SHROOM3: variants seen among roughly 807,000 people sequenced by gnomAD.
The protein encoded by SHROOM3 is protein Shroom3.
A neutral mutation model predicts 138.6 loss-of-function variants in SHROOM3; 47 were observed. That is an observed-to-expected ratio of 0.34 (90% CI 0.27 to 0.43). SHROOM3 has a LOEUF of 0.43. Among genes scored for constraint, SHROOM3 ranks in the 20% least tolerant of loss-of-function variants. The pLI, the probability that SHROOM3 is intolerant of heterozygous loss-of-function variation, is 1.00. For synonymous variants in SHROOM3, 1,062 were observed against 1,063.3 expected, an observed-to-expected ratio of 1.00 and a Z score of 0.02; for missense variants, 2,491 against 2,596.5, an observed-to-expected ratio of 0.96 and a Z score of 0.88.
At chr4:76,771,953 A>C (rs1332675337) in intron 10 of SHROOM3, among the ~76,000 whole-genome samples, 1 of 152,176 alleles carries the variant, frequency 6.6e-6, no homozygotes, top group Non-Finnish European at 1.5e-5. Flanking sequence ...CCCTCCTGAT[A>C]CTGAACAACA....
chr4:76,503,168 C>CACACACACACACAT (rs1491425913), intron 1 of SHROOM3, among the ~76,000 whole-genome samples: 3 of 10,704 alleles, frequency 2.8e-4, no homozygotes, highest in African/African-American at 1.0e-3. Context: ...TGTCAACTTC[C>CACACACACACACAT]ACACACACAC....
chr4:76,750,142 G>A (rs1193654088), intron 6 of SHROOM3, among the ~76,000 whole-genome samples: 2 of 152,178 alleles, frequency 1.3e-5, no homozygotes, highest in Non-Finnish European at 2.9e-5. Flanking sequence ...TCCTATAGCT[G>A]TGTTGACAAG....
At chr4:76,687,647 C>T (rs1317149947) in intron 2 of SHROOM3, among the ~76,000 whole-genome samples, 2 of 152,194 alleles carry the variant, frequency 1.3e-5, no homozygotes, top group African/African-American at 2.4e-5. Context: ...CTAAAAATAT[C>T]GGATGATGCC....
chr4:76,436,202 A>G lies in SHROOM3; in HGVS notation c.150A>G (p.Glu50=), dbSNP rs750334698. 8 of 1,614,004 alleles carry G rather than the reference A, an allele frequency of 5.0e-6. No homozygotes were observed. Among genetic ancestry groups the G allele is most frequent in the East Asian group, 2.2e-5 (1 of 44,878 alleles). Residue 50 remains glutamate (E), a synonymous_variant, in exon 1 of 11, where the codon GAA becomes GAG. Coordinates refer to ENST00000296043, the MANE Select transcript of SHROOM3 (RefSeq NM_020859.4). ...FTLKGGLEHG[E]PLIISKVEEG... Reference sequence around the variant, plus strand: ...TAAAGGGTGGCCTGGAGCACGGAGAACCATTAATCATCTCTAAGGTATGTT... The same window carrying G: ...TAAAGGGTGGCCTGGAGCACGGAGAGCCATTAATCATCTCTAAGGTATGTT...
At chr4:76,471,446 G>T (rs1731370695) in intron 1 of SHROOM3, among the ~76,000 whole-genome samples, 1 of 152,094 alleles carries the variant, frequency 6.6e-6, no homozygotes, top group South Asian at 2.1e-4. Flanking sequence ...TTTTCACCAT[G>T]TTAGCCAGGA....
intron 1 of SHROOM3, among the ~76,000 whole-genome samples, chr4:76,545,999 C>T (rs551897494): frequency 3.0e-4 from 46 of 152,222 alleles, no homozygotes; most frequent in Non-Finnish European, 6.2e-4. Context: ...TAGAAAATAA[C>T]AAAAGAAAGT....
chr4:76,539,878 C>T (rs552622294), intron 1 of SHROOM3, among the ~76,000 whole-genome samples: 18 of 152,208 alleles, frequency 1.2e-4, no homozygotes, highest in African/African-American at 2.2e-4. Flanking sequence ...GATGGAGTTT[C>T]GCTCTTTCAC....
At chr4:76,613,099 A>T (rs998177339) in intron 2 of SHROOM3, among the ~76,000 whole-genome samples, 3 of 152,180 alleles carry the variant, frequency 2.0e-5, no homozygotes, top group Non-Finnish European at 2.9e-5. Flanking sequence ...CAGAAGGGAG[A>T]ATTCCCAGCA....
intron 1 of SHROOM3, among the ~76,000 whole-genome samples, chr4:76,483,426 G>C (rs901452067): frequency 1.3e-5 from 2 of 152,194 alleles, no homozygotes; most frequent in Non-Finnish European, 2.9e-5. Context: ...TTAGAGAAAT[G>C]CAAATCAAAA....
At chr4:76,620,250 A>G (rs1734974432) in intron 2 of SHROOM3, among the ~76,000 whole-genome samples, 1 of 151,950 alleles carries the variant, frequency 6.6e-6, no homozygotes, top group African/African-American at 2.4e-5. Context: ...AAAGGTGATG[A>G]TTTTGGTCTT....
intron 1 of SHROOM3, among the ~76,000 whole-genome samples, chr4:76,446,374 T>G (rs1196665236): frequency 1.3e-5 from 2 of 149,276 alleles, no homozygotes; most frequent in Admixed American, 1.3e-4. Flanking sequence ...CAACAGTCAG[T>G]CAACTTGGTG....
intron 2 of SHROOM3, among the ~76,000 whole-genome samples, chr4:76,595,136 T>C (rs1734352842): frequency 6.6e-6 from 1 of 152,222 alleles, no homozygotes; most frequent in Admixed American, 6.5e-5. Context: ...TACCTTGTTG[T>C]GTTGTTGTGT....
chr4:76,515,213 TAAAAAAA>T (rs67216189), intron 1 of SHROOM3, among the ~76,000 whole-genome samples: 4 of 113,048 alleles, frequency 3.5e-5, no homozygotes, highest in Admixed American at 9.3e-5. Context: ...AAACTCTGTC[TAAAAAAA>T]AAAAAAAAAA....
At chr4:76,503,569 C>T (rs1364230935) in intron 1 of SHROOM3, among the ~76,000 whole-genome samples, 2 of 152,108 alleles carry the variant, frequency 1.3e-5, no homozygotes, top group Non-Finnish European at 2.9e-5. Context: ...GCTGGGATTA[C>T]AGACGTGGAC....
chr4:76,670,930 A>G (rs1718862152), intron 2 of SHROOM3, among the ~76,000 whole-genome samples: 1 of 152,126 alleles, frequency 6.6e-6, no homozygotes. Flanking sequence ...CTGGGTGCAG[A>G]GTAAGACCCT....
chr4:76,619,543 C>T (rs1170861999), intron 2 of SHROOM3, among the ~76,000 whole-genome samples: 1 of 152,088 alleles, frequency 6.6e-6, no homozygotes, highest in Non-Finnish European at 1.5e-5. Context: ...CAATTATTTT[C>T]ATAGAAGTGT....
chr4:76,770,324 C>CAAAAAAAAAAAAAA (rs529468839), intron 9 of SHROOM3, among the ~76,000 whole-genome samples: 1 of 36,088 alleles, frequency 2.8e-5, no homozygotes, highest in African/African-American at 8.8e-5. Flanking sequence ...AACTCTGTCT[C>CAAAAAAAAAAAAAA]AAAAAAAAAA....
Position 76,741,896 on chromosome 4 carries a change from G to C in SHROOM3, c.3723G>C (p.Arg1241Ser). The change falls in exon 5 of 11, where the codon AGG becomes AGC. Residue 1241 changes from arginine (R) to serine (S), a missense_variant. By Grantham distance (110) the Arg-to-Ser change is moderately radical. This residue lies in a region of SHROOM3 where 1,733 missense variants were observed against 1,661.6 expected (regional missense o/e 1.04). Coordinates refer to ENST00000296043, the MANE Select transcript of SHROOM3 (RefSeq NM_020859.4). This position sits in a 1 kb window ranked among gnomAD's most constrained non-coding sequence, Gnocchi z 6.2. ...CGGGCCCTGTCCATGTGAGGTCCAG[G>C]TCATCTCCCGCCACCGCAGACAAGC... ...VLAGPVHVRS[R>S]SSPATADKRQ... 2 of 1,612,346 alleles carry C rather than the reference G, an allele frequency of 1.2e-6. No homozygotes were observed. Among genetic ancestry groups the C allele is most frequent in the South Asian group, 2.2e-5 (2 of 90,958 alleles).
rs911615837 is a variant in SHROOM3 at position 76,689,544 on chromosome 4, G to GTGGC, written c.324-20611_324-20608dup. The GTGGC allele has an allele frequency of 3.0e-6, 3 of 984,130 alleles. No individual in the cohort carries two copies. The African/African-American group carries it at 5.3e-5, about 17-fold the overall frequency. 61.0% of individuals were successfully genotyped at this position (984,130 alleles called of 1,614,324 possible). A position where few individuals can be genotyped will look rare whatever the true frequency, so the allele number is the denominator to read the frequency against. On this transcript the variant is annotated intron_variant, in intron 2 of 10. Coordinates refer to ENST00000296043, the MANE Select transcript of SHROOM3 (RefSeq NM_020859.4). ...GCTGTAGCCGCGGCGCGGTGGCGCGGTGGCGCAGGGCGCTGCTGGGCCGCC... is the reference window on the plus strand; with the variant it reads ...GCTGTAGCCGCGGCGCGGTGGCGCGGTGGCTGGCGCAGGGCGCTGCTGGGCCGCC...
Sources: gnomAD v4.1 joint callset for allele counts (sites outside exome capture counted in the v4.1 genomes callset) on GRCh38, gnomAD v4.1.1 for gene constraint, gnomAD v4.1.1 regional missense constraint, Gnocchi (gnomAD v3.1) non-coding constraint, MANE v1.5 for transcripts, NCBI Gene and HGNC (gene_info 2026-07-23, HGNC 2026-07-21) for gene names.